Variants in PTPRD observed in about 807,000 individuals in gnomAD.
The protein encoded by PTPRD is protein tyrosine phosphatase receptor type D.
In PTPRD, 34 loss-of-function variants were observed where a neutral mutation model predicts 214.5. That is an observed-to-expected ratio of 0.16 (90% CI 0.12 to 0.21). The LOEUF is 0.21. Among genes scored for constraint, PTPRD ranks in the 10% least tolerant of loss-of-function variants. The pLI is 1.00. For synonymous variants in PTPRD, 1,128 were observed against 845.7 expected, an observed-to-expected ratio of 1.33 and a Z score of -5.79; for missense variants, 2,545 against 2,398.7, an observed-to-expected ratio of 1.06 and a Z score of -1.27.
At chr9:9,866,604 A>G (rs897124335) in intron 5 of PTPRD, among the ~76,000 whole-genome samples, 25 of 152,192 alleles carry the variant, frequency 1.6e-4, no homozygotes, top group African/African-American at 5.8e-4. Flanking sequence ...AAAATAAAAC[A>G]AAGTGAAAAG....
At chr9:9,217,623 TA>T in intron 9 of PTPRD, among the ~76,000 whole-genome samples, 1 of 152,148 alleles carries the variant, frequency 6.6e-6, no homozygotes, top group South Asian at 2.1e-4. Context: ...TTCCCTTCCT[TA>T]AAAAGTTTCT....
At chr9:10,486,600 A>C (rs553290019) in intron 2 of PTPRD, among the ~76,000 whole-genome samples, 10 of 152,100 alleles carry the variant, frequency 6.6e-5, no homozygotes, top group Non-Finnish European at 1.5e-5. Flanking sequence ...TTTAACGTCT[A>C]TTTATTTGAA....
chr9:9,387,377 TAATTA>T (rs2064216132), intron 9 of PTPRD, among the ~76,000 whole-genome samples: 1 of 152,204 alleles, frequency 6.6e-6, no homozygotes, highest in South Asian at 2.1e-4. Flanking sequence ...CTTTAGATTT[TAATTA>T]AGTTATTTCT....
intron 8 of PTPRD, among the ~76,000 whole-genome samples, chr9:9,483,899 C>G (rs2095519839): frequency 6.6e-6 from 1 of 151,172 alleles, no homozygotes; most frequent in African/African-American, 2.4e-5. Flanking sequence ...AATAAAATCC[C>G]TTTGTATCCT....
rs1286655720 is a variant in PTPRD at position 10,020,362 on chromosome 9, C to T, written c.-472+13356G>A. 6.0e-5 allele frequency among the ~76,000 whole-genome samples: 9 copies of T among 149,878 alleles called. No homozygotes were observed. The Admixed American group carries it at 6.0e-4, about 10-fold the overall frequency. On this transcript the variant is annotated intron_variant, in intron 4 of 45. Coordinates refer to ENST00000381196, the MANE Select transcript of PTPRD (RefSeq NM_002839.4). The stretch of plus-strand genomic sequence containing the variant: ...CTGTCACCAGGCTGGAGTGCAGTGG[C>T]ATGATCTCGGCTCACTGCGACCTCC...
intron 2 of PTPRD, among the ~76,000 whole-genome samples, chr9:10,523,620 T>TAGAGAGAGAG (rs749067548): frequency 7.8e-6 from 1 of 128,614 alleles, no homozygotes; most frequent in Non-Finnish European, 1.6e-5. Flanking sequence ...TATATATATA[T>TAGAGAGAGAG]ATAGACAGAA....
At chr9:8,993,839 TA>T (rs1429313201) in intron 11 of PTPRD, among the ~76,000 whole-genome samples, 2 of 152,102 alleles carry the variant, frequency 1.3e-5, no homozygotes, top group Non-Finnish European at 2.9e-5. Flanking sequence ...CCCGAAGAGT[TA>T]TACAACAGCT....
intron 6 of PTPRD, among the ~76,000 whole-genome samples, chr9:9,746,572 T>C (rs1417730053): frequency 6.6e-6 from 1 of 152,222 alleles, no homozygotes; most frequent in Non-Finnish European, 1.5e-5. Context: ...TGTGAGTCGA[T>C]ATTCACTAAA....
chr9:9,746,833 T>G (rs76290675), intron 6 of PTPRD, among the ~76,000 whole-genome samples: 3 of 140,488 alleles, frequency 2.1e-5, no homozygotes, highest in African/African-American at 8.6e-5. Flanking sequence ...TTTTTTTTTT[T>G]GGCAGATGCA....
intron 27 of PTPRD, among the ~76,000 whole-genome samples, chr9:8,487,297 T>C (rs1482274960): frequency 6.6e-6 from 1 of 152,196 alleles, no homozygotes; most frequent in Non-Finnish European, 1.5e-5. Context: ...AAGTTAGATA[T>C]GTGAAAAGGT....
At chr9:10,505,311 G>T (rs1400825461) in intron 2 of PTPRD, among the ~76,000 whole-genome samples, 1 of 152,128 alleles carries the variant, frequency 6.6e-6, no homozygotes, top group African/African-American at 2.4e-5. Flanking sequence ...TAAAGTTTAG[G>T]TCTCATTATA....
chr9:8,381,478 A>G (rs1299903172), intron 37 of PTPRD, among the ~76,000 whole-genome samples: 1 of 151,852 alleles, frequency 6.6e-6, no homozygotes, highest in Non-Finnish European at 1.5e-5. Flanking sequence ...TCTGCACTCA[A>G]TCAATATTTG....
chr9:8,537,861 T>C (rs887944946), intron 14 of PTPRD, among the ~76,000 whole-genome samples: 5 of 152,050 alleles, frequency 3.3e-5, no homozygotes, highest in African/African-American at 1.2e-4. Context: ...CCCAGTTAGA[T>C]TTAATTATCA....
At position 9,688,588 on chromosome 9, in the gene PTPRD, C is replaced by T. The variant is rs182822304; in HGVS notation, c.-287+45945G>A. Reference sequence around the variant, plus strand: ...CATACAGATAAAGAAAATATGAGTACGACAAAGTTTGCGTGAGTGATGAGG... The same window carrying T: ...CATACAGATAAAGAAAATATGAGTATGACAAAGTTTGCGTGAGTGATGAGG... On this transcript the variant is annotated intron_variant, in intron 7 of 45. Transcript: ENST00000381196. Among the ~76,000 whole-genome samples, 16 of 151,828 alleles carry T rather than the reference C, an allele frequency of 1.1e-4. No homozygotes were observed. The East Asian group carries it at 3.1e-3, about 29-fold the overall frequency.
chr9:9,053,302 C>T (rs142288085), intron 10 of PTPRD, among the ~76,000 whole-genome samples: 32 of 152,046 alleles, frequency 2.1e-4, no homozygotes, highest in African/African-American at 7.7e-4. Context: ...ATTAATAGGG[C>T]TATTAAGAAA....
chr9:10,572,236 A>G (rs1189998051), intron 2 of PTPRD, among the ~76,000 whole-genome samples: 1 of 152,152 alleles, frequency 6.6e-6, no homozygotes, highest in African/African-American at 2.4e-5. Context: ...ATAGGGAAAT[A>G]CAATAAAATG....
intron 10 of PTPRD, among the ~76,000 whole-genome samples, chr9:9,149,218 G>A (rs368036968): frequency 2.8e-4 from 43 of 152,204 alleles, no homozygotes; most frequent in African/African-American, 9.9e-4. Flanking sequence ...TATCTACCTC[G>A]TAGCCTTACT....
At chr9:8,566,177 T>C (rs1045904553) in intron 14 of PTPRD, among the ~76,000 whole-genome samples, 1 of 148,664 alleles carries the variant, frequency 6.7e-6, no homozygotes, top group African/African-American at 2.5e-5. Context: ...TGCATTCTCT[T>C]TGGCAGGGGT....
chr9:10,485,819 C>T (rs1247487445), intron 2 of PTPRD, among the ~76,000 whole-genome samples: 4 of 152,008 alleles, frequency 2.6e-5, no homozygotes, highest in Middle Eastern at 3.2e-3. Context: ...AATAATTTCA[C>T]TTCTTGTTCC....
Sources: gnomAD v4.1 joint callset for allele counts (sites outside exome capture counted in the v4.1 genomes callset) on GRCh38, gnomAD v4.1.1 for gene constraint, MANE v1.5 for transcripts, NCBI Gene and HGNC (gene_info 2026-07-23, HGNC 2026-07-21) for gene names.